RHOBTB2: variants seen among roughly 807,000 people sequenced by gnomAD.
RHOBTB2 encodes Rho related BTB domain containing 2.
RHOBTB2 carries 39 observed loss-of-function variants against 66.5 expected under a neutral mutation model. That is an observed-to-expected ratio of 0.59 (90% CI 0.45 to 0.77). The LOEUF is 0.77. Ranked by LOEUF, RHOBTB2 falls within the 30% of genes least tolerant of loss-of-function variation. The pLI, the probability that RHOBTB2 is intolerant of heterozygous loss-of-function variation, is 0.00. For synonymous variants in RHOBTB2, 390 were observed against 395.0 expected, an observed-to-expected ratio of 0.99 and a Z score of 0.15; for missense variants, 755 against 999.1, an observed-to-expected ratio of 0.76 and a Z score of 3.29.
At chr8:22,995,365 A>G (rs894081126), upstream of RHOBTB2, among the ~76,000 whole-genome samples, 1 of 152,226 alleles carries the variant, frequency 6.6e-6, no homozygotes, top group Non-Finnish European at 1.5e-5. Context: ...TCAAGGACAG[A>G]GAAGAACCCA....
At position 23,017,414 on chromosome 8, in the gene RHOBTB2, C is replaced by T. The variant is rs146723409; in HGVS notation, c.2129C>T (p.Pro710Leu). The T allele has an allele frequency of 8.3e-4, 1,333 of 1,612,772 alleles. 8 individuals are homozygous for T. Among genetic ancestry groups the T allele is most frequent in the Middle Eastern group, 4.5e-3 (27 of 6,056 alleles). ...RWLFWNSPSS[P>L]SSSAASSSSP... ...CTCTTCTGGAACAGTCCATCCTCCC[C>T]GTCTTCCTCGGCAGCCTCCTCCTCA... Residue 710 changes from proline (P) to leucine (L), a missense_variant, in exon 10 of 10, where the codon CCG becomes CTG. Around this residue, in one of 7 missense-constraint regions of RHOBTB2, gnomAD observed 353 missense variants for 458.2 expected, o/e 0.77. Transcript: ENST00000251822. The surrounding 1 kb of genome is among the most constrained non-coding windows in gnomAD (Gnocchi z 5.3).
intron 2 of RHOBTB2, chr8:22,994,490 G>C (rs1034285129): frequency 1.1e-6 from 1 of 887,908 alleles, no homozygotes; most frequent in Non-Finnish European, 1.8e-6. Flanking sequence ...AGTAATTCGC[G>C]GTGTGCTCAT....
At chr8:22,965,043 C>T in the RHOBTB2 span, among the ~76,000 whole-genome samples, 2 of 152,038 alleles carry the variant, frequency 1.3e-5, no homozygotes, top group Non-Finnish European at 1.5e-5. Context: ...TCTCGAATTC[C>T]TGACATCAGA....
the RHOBTB2 span, among the ~76,000 whole-genome samples, chr8:22,966,740 G>C: frequency 6.6e-6 from 1 of 152,132 alleles, no homozygotes; most frequent in African/African-American, 2.4e-5. Context: ...TATAGCTATA[G>C]TAATTAGCTT....
Position 23,004,317 on chromosome 8 carries a change from G to T in RHOBTB2, c.-10-108G>T. The T allele has an allele frequency of 1.1e-6, 1 of 923,310 alleles. No individual in the cohort carries two copies. The highest frequency in any genetic ancestry group is 2.5e-5 in the East Asian group (1 of 39,546). The allele number at this position is 923,310 out of a possible 1,614,324, so 57.2% of individuals were successfully genotyped here. A position where few individuals can be genotyped will look rare whatever the true frequency, so the allele number is the denominator to read the frequency against. On this transcript the variant is annotated intron_variant, in intron 1 of 9. Transcript: ENST00000251822. The surrounding 1 kb of genome is among the most constrained non-coding windows in gnomAD (Gnocchi z 6.4). ...CTCCTTCCTCCTCCTGTCAGCTCCG[G>T]GGCTTGCAGAGGGGGCAGCCTGGCT... is the stretch of plus-strand genomic sequence containing the variant.
intron 6 of RHOBTB2, 145 bp from the exon 7 acceptor site, chr8:23,010,393 C>G: frequency 2.2e-6 from 2 of 898,344 alleles, no homozygotes; most frequent in Non-Finnish European, 3.3e-6. Context: ...AGGGTCTTCT[C>G]AGCAGATACA....
At chr8:22,979,915 G>A in the RHOBTB2 span, among the ~76,000 whole-genome samples, 7 of 151,250 alleles carry the variant, frequency 4.6e-5, no homozygotes, top group African/African-American at 1.5e-4. Flanking sequence ...GTGCCATCAC[G>A]CTCAGCTAAT....
At position 23,004,540 on chromosome 8, in the gene RHOBTB2, T is replaced by C; in HGVS notation, c.106T>C (p.Cys36Arg). The C allele has an allele frequency of 6.2e-7, 1 of 1,614,170 alleles. No homozygotes were observed. The highest frequency in any genetic ancestry group is 2.2e-5 in the East Asian group (1 of 44,874). Residue 36 changes from cysteine (C) to arginine (R), a missense_variant, in exon 2 of 10, where the codon TGC becomes CGC. Cys to Arg is a radical substitution (Grantham distance 180). This residue lies in a region of RHOBTB2 where 65 missense variants were observed against 152.4 expected (regional missense o/e 0.43). Transcript: ENST00000251822. This position sits in a 1 kb window ranked among gnomAD's most constrained non-coding sequence, Gnocchi z 6.4. The part of the protein sequence containing the change: ...GKTRLICARA[C>R]NATLTQYQLL... ...GACCAGGCTCATCTGTGCCCGCGCT[T>C]GCAATGCCACCCTCACCCAGTACCA...
chr8:23,000,713 C>A (rs560773430), intron 1 of RHOBTB2, among the ~76,000 whole-genome samples: 94 of 152,280 alleles, frequency 6.2e-4, no homozygotes, highest in Middle Eastern at 3.4e-3. Context: ...CAGCGACCCC[C>A]GTGGGAGCCT....
the RHOBTB2 span, among the ~76,000 whole-genome samples, chr8:22,962,723 G>A: frequency 6.6e-6 from 1 of 152,236 alleles, no homozygotes; most frequent in African/African-American, 2.4e-5. Flanking sequence ...CAGACAGAGA[G>A]TCTCTGAGAG....
chr8:22,983,689 A>G (rs1242180282), upstream of RHOBTB2, among the ~76,000 whole-genome samples: 1 of 152,044 alleles, frequency 6.6e-6, no homozygotes, highest in Admixed American at 6.6e-5. Context: ...CACTTAAATA[A>G]CTGGTTTCAC....
At chr8:23,008,637 A>G (rs1052568578) in intron 6 of RHOBTB2, among the ~76,000 whole-genome samples, 1 of 152,176 alleles carries the variant, frequency 6.6e-6, no homozygotes, top group Non-Finnish European at 1.5e-5. Context: ...TACAGATCCC[A>G]AGAAAAGGGG....
upstream of RHOBTB2, chr8:22,996,009 C>T (rs1810543129): frequency 2.3e-6 from 2 of 858,928 alleles, no homozygotes; most frequent in East Asian, 2.6e-5. Context: ...TTCACAGCCA[C>T]AGGGAGAGCA....
chr8:22,997,991 A>C (rs1472454120), upstream of RHOBTB2, among the ~76,000 whole-genome samples: 1 of 152,178 alleles, frequency 6.6e-6, no homozygotes, highest in Non-Finnish European at 1.5e-5. Context: ...TGGTTTATGG[A>C]GGGTGAGTTC....
At chr8:22,995,468 G>T (rs964355292), upstream of RHOBTB2, among the ~76,000 whole-genome samples, 2 of 152,232 alleles carry the variant, frequency 1.3e-5, no homozygotes. Context: ...ATTCATGGAA[G>T]GCTTGCTGGA....
chr8:22,971,527 C>T, the RHOBTB2 span, among the ~76,000 whole-genome samples: 3 of 152,090 alleles, frequency 2.0e-5, no homozygotes, highest in South Asian at 2.1e-4. Context: ...GCAACCTGCA[C>T]GCACTGCCTC....
Position 23,007,729 on chromosome 8 carries a change from C to CA in RHOBTB2, c.1488dup (p.Gly497ArgfsTer12), listed in dbSNP as rs1376454917. The CA allele has an allele frequency of 6.2e-7, 1 of 1,613,508 alleles. No individual in the cohort carries two copies. Reference sequence around the variant, plus strand: ...ACCAACCGGGTTAAGGAGTGCTTGGCAAAAGGCACCTTCTCAGGTATGGAA... The same window carrying CA: ...ACCAACCGGGTTAAGGAGTGCTTGGCAAAAAGGCACCTTCTCAGGTATGGAA... On this transcript the variant is annotated frameshift_variant, in exon 5 of 10. Transcript: ENST00000251822. LOFTEE classifies it high-confidence loss of function.
the RHOBTB2 span, among the ~76,000 whole-genome samples, chr8:22,960,097 C>T: frequency 2.0e-5 from 3 of 149,816 alleles, no homozygotes; most frequent in African/African-American, 4.9e-5. Context: ...GCAGGAGAAT[C>T]GCCTGAACCC....
Position 23,004,743 on chromosome 8 carries a change from G to T in RHOBTB2, c.192+117G>T, listed in dbSNP as rs1332157724. On this transcript the variant is annotated intron_variant, in intron 2 of 9. Transcript: ENST00000251822. This position sits in a 1 kb window ranked among gnomAD's most constrained non-coding sequence, Gnocchi z 6.4. ...CGGGAGCCCTCTAGGGGTGGGACAG[G>T]ATGGGTTGGGGGCAGCTGAAGAGGA... 30 of 992,302 alleles carry T rather than the reference G, an allele frequency of 3.0e-5. 1 individual carries two copies. The South Asian group carries it at 3.3e-4, about 11-fold the overall frequency. The allele number at this position is 992,302 out of a possible 1,614,324, so 61.5% of individuals were successfully genotyped here. A position where few individuals can be genotyped will look rare whatever the true frequency, so the allele number is the denominator to read the frequency against.
Sources: gnomAD v4.1 joint callset for allele counts (sites outside exome capture counted in the v4.1 genomes callset) on GRCh38, gnomAD v4.1.1 for gene constraint, gnomAD v4.1.1 regional missense constraint, Gnocchi (gnomAD v3.1) non-coding constraint, MANE v1.5 for transcripts, NCBI Gene and HGNC (gene_info 2026-07-23, HGNC 2026-07-21) for gene names.